NPSR1: variants seen among roughly 807,000 people sequenced by gnomAD.
NPSR1 encodes the protein neuropeptide S receptor 1, also known as neuropeptide S receptor.
A neutral mutation model predicts 46.9 loss-of-function variants in NPSR1; 48 were observed. The ratio of observed to expected loss-of-function variants is 1.02; its 90% CI spans 0.81 to 1.30. The LOEUF is 1.30. NPSR1 is among the 50% of genes most tolerant of loss of function. The pLI, the probability that NPSR1 is intolerant of heterozygous loss-of-function variation, is 0.00. For missense variants in NPSR1, 450 were observed against 449.5 expected (o/e 1.00, Z -0.01); for synonymous variants, 176 against 168.1 (o/e 1.05, Z -0.36).
chr7:34,681,482 G>C (rs1470942052), intron 1 of NPSR1, among the ~76,000 whole-genome samples: 1 of 152,188 alleles, frequency 6.6e-6, no homozygotes, highest in African/African-American at 2.4e-5. Context: ...GCAGGGCCTT[G>C]TGGATTCAGT....
intron 1 of NPSR1, among the ~76,000 whole-genome samples, chr7:34,683,166 A>C (rs1475694617): frequency 5.9e-5 from 9 of 152,156 alleles, no homozygotes. Context: ...TTAGAAGGCC[A>C]GGTGCGGTGG....
In NPSR1 at chr7:34,658,395, C is replaced by T. The variant is rs770097121; in HGVS notation, c.-18C>T. The T allele has an allele frequency of 9.9e-6, 16 of 1,612,610 alleles. No homozygotes were observed. Among genetic ancestry groups the T allele is most frequent in the East Asian group, 4.5e-5 (2 of 44,868 alleles). On this transcript the variant is annotated 5_prime_UTR_variant, in exon 1 of 9. Coordinates refer to ENST00000360581, the MANE Select transcript of NPSR1 (RefSeq NM_207172.2). ...AGCTGCAGGAGCAAGGACAGTGAGG[C>T]TCAACCCCGCCTGAGCCATGCCAGC...
At chr7:34,698,040 T>TA (rs1449900440) in intron 2 of NPSR1, among the ~76,000 whole-genome samples, 1 of 152,006 alleles carries the variant, frequency 6.6e-6, no homozygotes, top group African/African-American at 2.4e-5. Context: ...AGTAAAATGA[T>TA]AAAAAATAAT....
At chr7:34,790,706 T>C (rs909258028) in intron 3 of NPSR1, among the ~76,000 whole-genome samples, 1 of 141,994 alleles carries the variant, frequency 7.0e-6, no homozygotes, top group African/African-American at 2.6e-5. Flanking sequence ...ATATGTTCTA[T>C]GTTATATATA....
At chr7:34,778,208 G>C (rs182789591) in intron 2 of NPSR1, among the ~76,000 whole-genome samples, 5 of 152,056 alleles carry the variant, frequency 3.3e-5, no homozygotes, top group African/African-American at 1.2e-4. Flanking sequence ...TCTATGATTA[G>C]CATGATTCCT....
chr7:34,726,172 C>G (rs1226284584), intron 2 of NPSR1, among the ~76,000 whole-genome samples: 1 of 152,096 alleles, frequency 6.6e-6, no homozygotes, highest in Non-Finnish European at 1.5e-5. Flanking sequence ...AATAAGATAA[C>G]AAATAGCCCA....
In NPSR1 at chr7:34,658,403, C is replaced by T. The variant is rs78700843; in HGVS notation, c.-10C>T. 5.6e-6 allele frequency: 9 copies of T among 1,613,352 alleles called. No individual in the cohort carries two copies. The highest frequency in any genetic ancestry group is 2.2e-5 in the East Asian group (1 of 44,866). On this transcript the variant is annotated 5_prime_UTR_variant, in exon 1 of 9. Transcript: ENST00000360581. ...GAGCAAGGACAGTGAGGCTCAACCC[C>T]GCCTGAGCCATGCCAGCCAACTTCA...
intron 2 of NPSR1, among the ~76,000 whole-genome samples, chr7:34,765,317 C>T (rs901339907): frequency 6.6e-6 from 1 of 152,126 alleles, no homozygotes; most frequent in Admixed American, 6.5e-5. Context: ...CAGAACCAAA[C>T]AGAGACATGA....
intron 1 of NPSR1, among the ~76,000 whole-genome samples, chr7:34,661,340 C>T (rs986378238): frequency 7.2e-5 from 11 of 152,132 alleles, no homozygotes; most frequent in Non-Finnish European, 1.6e-4. Context: ...TTAGCTGAGG[C>T]ACCATGAGCT....
At chr7:34,689,304 C>A (rs749046004) in intron 2 of NPSR1, among the ~76,000 whole-genome samples, 1 of 152,132 alleles carries the variant, frequency 6.6e-6, no homozygotes, top group African/African-American at 2.4e-5. Flanking sequence ...TTGAACTGCA[C>A]AATACAATAA....
chr7:34,820,802 A>G (rs1789516847), intron 4 of NPSR1, among the ~76,000 whole-genome samples: 1 of 152,218 alleles, frequency 6.6e-6, no homozygotes, highest in Admixed American at 6.5e-5. Flanking sequence ...GAGTTTATCT[A>G]AAGACCTGGG....
At position 34,745,946 on chromosome 7, in the gene NPSR1, T is replaced by C. The variant is rs570058125; in HGVS notation, c.281-32516T>C. Among the ~76,000 whole-genome samples the C allele has an allele frequency of 7.0e-4, 107 of 152,334 alleles. 1 individual carries two copies. In the South Asian group the frequency reaches 0.022, roughly 31 times the overall value. Reference sequence around the variant, plus strand: ...TTTTCCAAAAGCCATAGTACACTCATGAGAAAATGAAAGTGAAAAGACAAA... The same window carrying C: ...TTTTCCAAAAGCCATAGTACACTCACGAGAAAATGAAAGTGAAAAGACAAA... On this transcript the variant is annotated intron_variant, in intron 2 of 8. Transcript: ENST00000360581.
chr7:34,761,896 G>T (rs1217183491), intron 2 of NPSR1, among the ~76,000 whole-genome samples: 1 of 152,286 alleles, frequency 6.6e-6, no homozygotes, highest in African/African-American at 2.4e-5. Context: ...AATAGTGGAG[G>T]CTCAATGTCT....
At chr7:34,836,784 T>G (rs1189785493) in intron 6 of NPSR1, among the ~76,000 whole-genome samples, 1 of 151,486 alleles carries the variant, frequency 6.6e-6, no homozygotes, top group African/African-American at 2.4e-5. Context: ...GAAAAAAATA[T>G]AGGAAATATT....
intron 7 of NPSR1, among the ~76,000 whole-genome samples, chr7:34,846,767 T>G (rs909354947): frequency 7.2e-5 from 11 of 152,348 alleles, no homozygotes; most frequent in African/African-American, 2.6e-4. Context: ...TTCCTCCATT[T>G]ACAACAGAAT....
At chr7:34,790,968 T>C (rs1245850686) in intron 3 of NPSR1, among the ~76,000 whole-genome samples, 17 of 85,982 alleles carry the variant, frequency 2.0e-4, no homozygotes, top group Non-Finnish European at 5.0e-5. Flanking sequence ...TGTTATATTA[T>C]ATATGTTATA....
intron 2 of NPSR1, among the ~76,000 whole-genome samples, chr7:34,742,865 G>C (rs1286420699): frequency 6.6e-6 from 1 of 152,100 alleles, no homozygotes; most frequent in Non-Finnish European, 1.5e-5. Context: ...GATGTGAGAT[G>C]GTATTTCACT....
intron 8 of NPSR1, among the ~76,000 whole-genome samples, chr7:34,855,429 G>C (rs1342428743): frequency 2.0e-5 from 3 of 151,934 alleles, no homozygotes; most frequent in East Asian, 1.9e-4. Context: ...ATAGATCCTA[G>C]AGTCAATCAA....
chr7:34,824,651 T>C (rs767783565), intron 4 of NPSR1, among the ~76,000 whole-genome samples: 3 of 152,202 alleles, frequency 2.0e-5, no homozygotes, highest in Non-Finnish European at 4.4e-5. Flanking sequence ...TATGATTCTA[T>C]ACTCTCTTCC....
Sources: gnomAD v4.1 joint callset for allele counts (sites outside exome capture counted in the v4.1 genomes callset) on GRCh38, gnomAD v4.1.1 for gene constraint, MANE v1.5 for transcripts, NCBI Gene and HGNC (gene_info 2026-07-23, HGNC 2026-07-21) for gene names.